LRBA: variants seen among roughly 807,000 people sequenced by gnomAD.
The protein encoded by LRBA is lipopolysaccharide-responsive and beige-like anchor protein.
Under a neutral mutation model 330.0 loss-of-function variants are expected in LRBA, and 176 were observed. The ratio of observed to expected loss-of-function variants is 0.53; its 90% CI spans 0.47 to 0.60. LRBA has a LOEUF of 0.60. LRBA is among the 20% of genes least tolerant of loss of function. The pLI, the probability that LRBA is intolerant of heterozygous loss-of-function variation, is 0.00. For missense variants in LRBA, 3,259 were observed against 3,444.8 expected (o/e 0.95, Z 1.35); for synonymous variants, 1,230 against 1,193.0 (o/e 1.03, Z -0.64).
intron 22 of LRBA, among the ~76,000 whole-genome samples, chr4:150,859,207 T>C (rs1751598764): frequency 6.6e-6 from 1 of 152,204 alleles, no homozygotes; most frequent in South Asian, 2.1e-4. Context: ...ATTCATATTA[T>C]ACTTTTAACT....
intron 46 of LRBA, among the ~76,000 whole-genome samples, chr4:150,421,868 T>A (rs1490573597): frequency 6.6e-6 from 1 of 152,092 alleles, no homozygotes; most frequent in East Asian, 1.9e-4. Context: ...TTCTCATCCC[T>A]GGATCCTCCA....
At chr4:150,270,522 G>C (rs1560941030) in intron 56 of LRBA, among the ~76,000 whole-genome samples, 1 of 152,196 alleles carries the variant, frequency 6.6e-6, no homozygotes, top group Non-Finnish European at 1.5e-5. Flanking sequence ...ATGCACATGA[G>C]CTGGTGGGAG....
At chr4:150,981,027 A>G (rs1371082197) in intron 2 of LRBA, among the ~76,000 whole-genome samples, 5 of 152,118 alleles carry the variant, frequency 3.3e-5, no homozygotes, top group Admixed American at 3.3e-4. Context: ...AAGAATCAAT[A>G]CTGTTAAAAT....
intron 26 of LRBA, among the ~76,000 whole-genome samples, chr4:150,847,106 G>A (rs139169168): frequency 4.6e-5 from 7 of 152,208 alleles, no homozygotes; most frequent in African/African-American, 1.4e-4. Flanking sequence ...AAGAGTAGGA[G>A]CACTAGTTAG....
At position 150,350,064 on chromosome 4, in the gene LRBA, G is replaced by A. The variant is rs1025644872; in HGVS notation, c.7290C>T (p.Leu2430=). ...CATAGGTCAAGTAATAGAACACATTGAGGGCTCGGACAGCTTCTGGTCCTT... is the reference window on the plus strand; with the variant it reads ...CATAGGTCAAGTAATAGAACACATTAAGGGCTCGGACAGCTTCTGGTCCTT... ...KQQGPEAVRA[L]NVFYYLTYEG... is the part of the protein sequence containing the mutation. Residue 2430 remains leucine, a synonymous_variant, in exon 48 of 57, where the codon CTC becomes CTT. Transcript: ENST00000651943. 6.2e-7 allele frequency: 1 copy of A among 1,613,454 alleles called. No individual in the cohort carries two copies. The highest frequency in any genetic ancestry group is 1.3e-5 in the African/African-American group (1 of 74,860).
intron 41 of LRBA, 58 bp downstream of exon 41, chr4:150,490,860 T>C: frequency 5.1e-6 from 5 of 982,830 alleles, no homozygotes; most frequent in Middle Eastern, 2.2e-4. Flanking sequence ...TGTTCAAAAA[T>C]GAAATCTTAA....
chr4:150,355,280 AT>A (rs1370057120), intron 47 of LRBA, among the ~76,000 whole-genome samples: 1 of 152,020 alleles, frequency 6.6e-6, no homozygotes, highest in Non-Finnish European at 1.5e-5. Flanking sequence ...AAGAAAACCA[AT>A]TTCAATCAAC....
At chr4:150,822,797 G>A (rs1745653844) in intron 30 of LRBA, among the ~76,000 whole-genome samples, 1 of 152,080 alleles carries the variant, frequency 6.6e-6, no homozygotes, top group Admixed American at 6.6e-5. Flanking sequence ...CGCAGTGGCT[G>A]ATGCCTGTAA....
chr4:150,865,394 T>A (rs903264119), intron 22 of LRBA, among the ~76,000 whole-genome samples: 1 of 152,202 alleles, frequency 6.6e-6, no homozygotes, highest in African/African-American at 2.4e-5. Context: ...AGTAGCCATA[T>A]ACAATATATA....
In LRBA at chr4:150,583,818, G is replaced by A. The variant is rs572046250; in HGVS notation, c.6330+4230C>T. ...AGACTCTGCGGGACCGCCACCTGGAGCTACCCGGCCAGCCGCTCAACAACT... is the reference window on the plus strand; with the variant it reads ...AGACTCTGCGGGACCGCCACCTGGAACTACCCGGCCAGCCGCTCAACAACT... On this transcript the variant is annotated intron_variant, in intron 40 of 56. Coordinates refer to ENST00000651943, the MANE Select transcript of LRBA (RefSeq NM_001364905.1). The surrounding 1 kb of genome is among the most constrained non-coding windows in gnomAD (Gnocchi z 9.8). 24 of 1,614,218 alleles carry A rather than the reference G, an allele frequency of 1.5e-5. No individual in the cohort carries two copies. In the Admixed American group the frequency reaches 2.7e-4, roughly 18 times the overall value.
chr4:150,485,485 TTTTC>T (rs2152089154), intron 42 of LRBA, among the ~76,000 whole-genome samples: 1 of 152,022 alleles, frequency 6.6e-6, no homozygotes, highest in South Asian at 2.1e-4. Context: ...AGAGAGAATA[TTTTC>T]AAGTTAAAAT....
At chr4:150,544,664 C>T (rs1765673467) in intron 40 of LRBA, among the ~76,000 whole-genome samples, 1 of 152,160 alleles carries the variant, frequency 6.6e-6, no homozygotes, top group Admixed American at 6.5e-5. Context: ...CATGTAAGCT[C>T]TGTAACATTA....
At chr4:150,843,068 G>A (rs930051480) in intron 28 of LRBA, among the ~76,000 whole-genome samples, 1 of 152,148 alleles carries the variant, frequency 6.6e-6, no homozygotes, top group Non-Finnish European at 1.5e-5. Flanking sequence ...CATCTGACCA[G>A]GAGGCGGAGC....
At chr4:150,707,398 C>T (rs1323520912) in intron 36 of LRBA, among the ~76,000 whole-genome samples, 1 of 150,926 alleles carries the variant, frequency 6.6e-6, no homozygotes, top group Admixed American at 6.6e-5. Flanking sequence ...TTTAAAAAAG[C>T]AAAAGAAATT....
rs538901042 is a variant in LRBA at position 150,651,928 on chromosome 4, T to C, written c.5921+31623A>G. On this transcript the variant is annotated intron_variant, in intron 37 of 56. Coordinates refer to ENST00000651943, the MANE Select transcript of LRBA (RefSeq NM_001364905.1). ...CCCAAGCTAGAGTGCACTGGTGCCT[T>C]GATCTCCTGGGCTCAAGTGATTCTC... 3.3e-5 allele frequency among the ~76,000 whole-genome samples: 5 copies of C among 152,214 alleles called. No individual in the cohort carries two copies. In the South Asian group the frequency reaches 1.0e-3, roughly 32 times the overall value.
chr4:150,713,255 T>C (rs1786413338), intron 36 of LRBA, among the ~76,000 whole-genome samples: 1 of 152,200 alleles, frequency 6.6e-6, no homozygotes. Flanking sequence ...TATAATTCAA[T>C]CACAAAATGT....
intron 53 of LRBA, among the ~76,000 whole-genome samples, chr4:150,290,978 T>G (rs1298024300): frequency 6.6e-6 from 1 of 152,094 alleles, no homozygotes; most frequent in East Asian, 1.9e-4. Context: ...TATTATACTT[T>G]AAGTTTTAGG....
chr4:150,785,765 TCTCA>T (rs1236768481), intron 34 of LRBA, among the ~76,000 whole-genome samples: 1 of 152,168 alleles, frequency 6.6e-6, no homozygotes, highest in Non-Finnish European at 1.5e-5. Context: ...TAAAAGTATT[TCTCA>T]ACTACGGTAA....
At chr4:150,633,974 G>A (rs571710355) in intron 37 of LRBA, among the ~76,000 whole-genome samples, 5 of 152,238 alleles carry the variant, frequency 3.3e-5, no homozygotes, top group South Asian at 4.1e-4. Flanking sequence ...AATTAGTTGG[G>A]CGTGGTGGCG....
Sources: gnomAD v4.1 joint callset for allele counts (sites outside exome capture counted in the v4.1 genomes callset) on GRCh38, gnomAD v4.1.1 for gene constraint, Gnocchi (gnomAD v3.1) non-coding constraint, MANE v1.5 for transcripts, NCBI Gene and HGNC (gene_info 2026-07-23, HGNC 2026-07-21) for gene names.